Variants in SKIC8 observed in about 807,000 individuals in gnomAD.
SKIC8 encodes SKI8 subunit of superkiller complex, also known as superkiller complex protein 8.
the SKIC8 span, chr15:78,295,709 C>A: frequency 6.5e-7 from 1 of 1,545,690 alleles, no homozygotes; most frequent in South Asian, 1.3e-5. Context: ...GGATCAAGGA[C>A]AAAAGGCCAG....
chr15:78,284,891 T>C, the SKIC8 span: 2 of 209,390 alleles, frequency 9.6e-6, no homozygotes, highest in Non-Finnish European at 1.9e-5. Flanking sequence ...GTTTAAGCAA[T>C]GGAATCTCCT....
chr15:78,297,816 C>A, the SKIC8 span, among the ~76,000 whole-genome samples: 1 of 152,228 alleles, frequency 6.6e-6, no homozygotes, highest in Admixed American at 6.5e-5. Flanking sequence ...TTCTTTAAAT[C>A]TGCCAGCCTA....
chr15:78,283,995 A>G, the SKIC8 span: 1 of 153,224 alleles, frequency 6.5e-6, no homozygotes, highest in Non-Finnish European at 1.5e-5. Flanking sequence ...TTAGTGGCCT[A>G]TGGAGCCTGC....
the SKIC8 span, chr15:78,289,600 A>T: frequency 2.5e-6 from 4 of 1,577,824 alleles, no homozygotes; most frequent in Non-Finnish European, 8.7e-7. Flanking sequence ...GTTTGTCAAA[A>T]TAAGATGATG....
the SKIC8 span, chr15:78,295,061 CAG>C: frequency 6.7e-7 from 1 of 1,494,788 alleles, no homozygotes. Flanking sequence ...CCCGAGTAGA[CAG>C]AGTCACCACA....
chr15:78,293,909 T>C, the SKIC8 span, among the ~76,000 whole-genome samples: 1 of 152,226 alleles, frequency 6.6e-6, no homozygotes, highest in African/African-American at 2.4e-5. Flanking sequence ...TCTAAGTCTG[T>C]AAGCTGCATA....
chr15:78,296,522 T>C, the SKIC8 span, among the ~76,000 whole-genome samples: 31 of 152,172 alleles, frequency 2.0e-4, no homozygotes, highest in African/African-American at 7.5e-4. Context: ...GCGGACTTTT[T>C]TTTTTCGAGA....
chr15:78,293,086 C>A, the SKIC8 span: 1 of 1,263,046 alleles, frequency 7.9e-7, no homozygotes, highest in South Asian at 1.3e-5. Context: ...AAAGTATTTC[C>A]CGGACTGCAA....
At chr15:78,294,795 T>A in the SKIC8 span, 1 of 717,848 alleles carries the variant, frequency 1.4e-6, no homozygotes, top group Non-Finnish European at 2.3e-6. Context: ...TTGTTGTCTG[T>A]TTTTTAAGAG....
At chr15:78,294,778 G>T in the SKIC8 span, 2 of 579,658 alleles carry the variant, frequency 3.5e-6, no homozygotes, top group East Asian at 3.0e-5. Context: ...TTTTGTTGTT[G>T]TTGTTGTTGT....
At chr15:78,286,941 A>C in the SKIC8 span, 2 of 152,362 alleles carry the variant, frequency 1.3e-5, no homozygotes, top group Non-Finnish European at 2.9e-5. Context: ...TCTGCGTGAC[A>C]CTGTAGTTAG....
the SKIC8 span, chr15:78,290,187 T>C: frequency 7.1e-7 from 1 of 1,399,072 alleles, no homozygotes; most frequent in Non-Finnish European, 9.5e-7. Context: ...GGATACATCT[T>C]TTTAAATCGG....
At chr15:78,298,072 G>C in the SKIC8 span, among the ~76,000 whole-genome samples, 13,296 of 152,134 alleles carry the variant, frequency 0.087, 610 homozygotes, top group East Asian at 0.13. Flanking sequence ...CCATGAACAG[G>C]GTTCTTTCTG....
chr15:78,295,401 C>CTTTTTTTT, the SKIC8 span: 5 of 395,152 alleles, frequency 1.3e-5, no homozygotes, highest in East Asian at 7.0e-5. Context: ...CTATTCTGAT[C>CTTTTTTTT]TTTTTTTTTT....
At chr15:78,294,237 G>A in the SKIC8 span, among the ~76,000 whole-genome samples, 2 of 152,182 alleles carry the variant, frequency 1.3e-5, no homozygotes, top group Non-Finnish European at 2.9e-5. Flanking sequence ...TGGCTTAAAC[G>A]TCAAACTACC....
chr15:78,288,263 A>C, the SKIC8 span: 1 of 1,603,594 alleles, frequency 6.2e-7, no homozygotes, highest in East Asian at 2.2e-5. Context: ...ATCAGTAGTA[A>C]GGGAGATGCC....
At chr15:78,288,172 G>C in the SKIC8 span, 2 of 1,021,968 alleles carry the variant, frequency 2.0e-6, no homozygotes, top group South Asian at 1.6e-5. Context: ...GGGAGTCAAG[G>C]TGTCTGATGT....
At chr15:78,283,519 G>T in the SKIC8 span, 2 of 1,608,900 alleles carry the variant, frequency 1.2e-6, no homozygotes, top group African/African-American at 1.3e-5. Context: ...TTACTCCCCA[G>T]ACCTGTAAAT....
chr15:78,289,361 T>C, the SKIC8 span, among the ~76,000 whole-genome samples: 1 of 152,066 alleles, frequency 6.6e-6, no homozygotes, highest in East Asian at 1.9e-4. Context: ...TACAGTGAGC[T>C]ATGATCACAC....
Sources: gnomAD v4.1 joint callset for allele counts (sites outside exome capture counted in the v4.1 genomes callset) on GRCh38, gnomAD v4.1.1 for gene constraint, MANE v1.5 for transcripts, NCBI Gene and HGNC (gene_info 2026-07-23, HGNC 2026-07-21) for gene names.